Variants in PPM1B observed in about 807,000 individuals in gnomAD.
PPM1B encodes the protein protein phosphatase, Mg2+/Mn2+ dependent 1B.
In PPM1B, 22 loss-of-function variants were observed where a neutral mutation model predicts 43.0. The ratio of observed to expected loss-of-function variants is 0.51; its 90% CI spans 0.37 to 0.73. The LOEUF (loss-of-function observed/expected upper bound fraction) is 0.73. Ranked by LOEUF, PPM1B falls within the 30% of genes least tolerant of loss-of-function variation. The pLI is 0.00. For missense variants in PPM1B, 632 were observed against 584.2 expected, an observed-to-expected ratio of 1.08 and a Z score of -0.84; for synonymous variants, 217 against 197.9, an observed-to-expected ratio of 1.10 and a Z score of -0.81.
intron 1 of PPM1B, among the ~76,000 whole-genome samples, chr2:44,189,971 C>G (rs1238310027): frequency 3.3e-5 from 5 of 152,118 alleles, no homozygotes; most frequent in African/African-American, 4.8e-5. Flanking sequence ...CTTTGTTCCA[C>G]CTGTCTTGAA....
intron 3 of PPM1B, among the ~76,000 whole-genome samples, chr2:44,214,321 G>A (rs1669620049): frequency 6.6e-6 from 1 of 151,606 alleles, no homozygotes; most frequent in South Asian, 2.1e-4. Context: ...TGCCCGCCTC[G>A]GCCTCCCAAA....
intron 2 of PPM1B, 78 bp downstream of exon 2, chr2:44,202,123 A>G (rs1410063750): frequency 6.7e-6 from 9 of 1,337,870 alleles, no homozygotes; most frequent in African/African-American, 1.5e-5. Context: ...CTAACTTAAA[A>G]TTTTAAAACT....
At chr2:44,195,579 A>G (rs1371243878) in intron 1 of PPM1B, among the ~76,000 whole-genome samples, 2 of 152,020 alleles carry the variant, frequency 1.3e-5, no homozygotes, top group Non-Finnish European at 2.9e-5. Context: ...AGCACTTTTG[A>G]TGTGGGAGGA....
At chr2:44,199,689 C>G (rs1010069301) in intron 1 of PPM1B, among the ~76,000 whole-genome samples, 1 of 152,116 alleles carries the variant, frequency 6.6e-6, no homozygotes, top group Non-Finnish European at 1.5e-5. Context: ...TTACATTGCT[C>G]TCAGTACAAA....
chr2:44,233,188 A>G (rs181138471), downstream of PPM1B: 3 of 937,296 alleles, frequency 3.2e-6, no homozygotes, highest in East Asian at 1.2e-4. Context: ...CTTTTAAGAT[A>G]CGAGTTTTGT....
chr2:44,204,730 G>A (rs992644882), intron 2 of PPM1B, among the ~76,000 whole-genome samples: 3 of 151,598 alleles, frequency 2.0e-5, no homozygotes, highest in Non-Finnish European at 4.4e-5. Flanking sequence ...GTTGTGGTGG[G>A]CGCTTGTAGT....
intron 5 of PPM1B, among the ~76,000 whole-genome samples, chr2:44,244,041 C>T (rs759854376): frequency 3.9e-5 from 6 of 151,958 alleles, no homozygotes; most frequent in Non-Finnish European, 8.8e-5. Context: ...TGATCTACAC[C>T]GTTCTTAAAT....
At chr2:44,194,125 A>G (rs1031265278) in intron 1 of PPM1B, among the ~76,000 whole-genome samples, 3 of 151,494 alleles carry the variant, frequency 2.0e-5, no homozygotes, top group Non-Finnish European at 4.4e-5. Flanking sequence ...TAGTCCTTGC[A>G]TGGTTTTTTC....
intron 1 of PPM1B, among the ~76,000 whole-genome samples, chr2:44,189,031 G>GGCTAATCTT (rs1668278004): frequency 6.6e-6 from 1 of 151,860 alleles, no homozygotes; most frequent in African/African-American, 2.4e-5. Context: ...CACCACACCT[G>GGCTAATCTT]GCTAATCTTT....
intron 1 of PPM1B, among the ~76,000 whole-genome samples, chr2:44,183,551 T>A (rs982308365): frequency 6.6e-6 from 1 of 152,212 alleles, no homozygotes; most frequent in Non-Finnish European, 1.5e-5. Context: ...CCAAAAGGCC[T>A]GCCTCCTCAT....
downstream of PPM1B, among the ~76,000 whole-genome samples, chr2:44,236,853 C>T (rs1432494721): frequency 1.3e-5 from 2 of 152,154 alleles, no homozygotes; most frequent in Non-Finnish European, 2.9e-5. Context: ...TTTTGAAGTT[C>T]ATCTGGTTTA....
Position 44,201,616 on chromosome 2 carries a change from T to C in PPM1B, c.417T>C (p.Ile139=), listed in dbSNP as rs764910514. 6.2e-7 allele frequency: 1 copy of C among 1,614,046 alleles called. No individual in the cohort carries two copies. The highest frequency in any genetic ancestry group is 1.3e-5 in the African/African-American group (1 of 74,918). ...GTTCAACTGCAGTGGGAGTTATGATTTCACCTAAGCATATCTACTTTATCA... is the reference window on the plus strand; with the variant it reads ...GTTCAACTGCAGTGGGAGTTATGATCTCACCTAAGCATATCTACTTTATCA... The part of the protein sequence containing the change: ...RSGSTAVGVM[I]SPKHIYFINC... Residue 139 remains isoleucine (I), a synonymous_variant, in exon 2 of 6, where the codon ATT becomes ATC. Coordinates refer to ENST00000282412, the MANE Select transcript of PPM1B (RefSeq NM_002706.6). The surrounding 1 kb of genome is among the most constrained non-coding windows in gnomAD (Gnocchi z 5.4).
At chr2:44,185,940 T>C (rs1668097426) in intron 1 of PPM1B, among the ~76,000 whole-genome samples, 1 of 152,180 alleles carries the variant, frequency 6.6e-6, no homozygotes, top group Non-Finnish European at 1.5e-5. Context: ...AGGGGAGGAC[T>C]TAAATAATTT....
chr2:44,242,250 T>G (rs1162153138), intron 5 of PPM1B, among the ~76,000 whole-genome samples: 1 of 152,144 alleles, frequency 6.6e-6, no homozygotes, highest in Non-Finnish European at 1.5e-5. Flanking sequence ...CGTAAAATAA[T>G]GGAATCTTAG....
At chr2:44,199,834 C>G (rs911613326) in intron 1 of PPM1B, among the ~76,000 whole-genome samples, 19 of 151,988 alleles carry the variant, frequency 1.3e-4, no homozygotes, top group African/African-American at 4.6e-4. Flanking sequence ...AATTATAAAA[C>G]TGGTATGTAA....
intron 5 of PPM1B, among the ~76,000 whole-genome samples, chr2:44,223,287 A>G (rs1670056067): frequency 6.6e-6 from 1 of 152,198 alleles, no homozygotes; most frequent in Admixed American, 6.5e-5. Flanking sequence ...AAGGGAAGGA[A>G]AAACAGGATA....
In PPM1B at chr2:44,186,523, C is replaced by T. The variant is rs141201738; in HGVS notation, c.-14-14663C>T. 1.4e-4 allele frequency among the ~76,000 whole-genome samples: 22 copies of T among 152,120 alleles called. 1 individual carries two copies. In the East Asian group the frequency reaches 4.1e-3, roughly 28 times the overall value. On this transcript the variant is annotated intron_variant, in intron 1 of 5. Coordinates refer to ENST00000282412, the MANE Select transcript of PPM1B (RefSeq NM_002706.6). Reference sequence around the variant, plus strand: ...AGCTGGGGCTACAGGCGCACACCACCGTGCCCAGTTAATTTTTGAAGTTTT... The same window carrying T: ...AGCTGGGGCTACAGGCGCACACCACTGTGCCCAGTTAATTTTTGAAGTTTT...
chr2:44,184,808 A>C (rs548281473), intron 1 of PPM1B, among the ~76,000 whole-genome samples: 1 of 152,034 alleles, frequency 6.6e-6, no homozygotes, highest in East Asian at 1.9e-4. Flanking sequence ...CTCTAACTGA[A>C]TTTTAACATT....
Position 44,217,949 on chromosome 2 carries a change from T to C in PPM1B, c.965-18T>C, listed in dbSNP as rs1165258226. ...GCTTATCACATTAATTTAGGAACTT[T>C]TTTTAAAAAACCTACAGAGATTATG... On this transcript the variant is annotated intron_variant, in intron 3 of 5. Transcript: ENST00000282412. 1.3e-6 allele frequency: 2 copies of C among 1,551,740 alleles called. No homozygotes were observed. The highest frequency in any genetic ancestry group is 1.7e-6 in the Non-Finnish European group (2 of 1,149,764).
Sources: allele counts gnomAD v4.1 joint callset (sites outside exome capture counted in the v4.1 genomes callset), GRCh38; gene constraint gnomAD v4.1.1; non-coding constraint Gnocchi (gnomAD v3.1); transcripts MANE v1.5; gene names NCBI Gene and HGNC (gene_info 2026-07-23, HGNC 2026-07-21).